Variants in KCNMA1 observed in about 807,000 individuals in gnomAD.
The protein encoded by KCNMA1 is potassium calcium-activated channel subfamily M alpha 1, also known as Calcium-activated potassium channel subunit alpha-1.
In KCNMA1, 29 loss-of-function variants were observed where a neutral mutation model predicts 140.0. That is an observed-to-expected ratio of 0.21 (90% confidence interval 0.15 to 0.28). KCNMA1 has a LOEUF of 0.28. Ranked by LOEUF, KCNMA1 falls within the 10% of genes least tolerant of loss-of-function variation. KCNMA1 has a pLI of 1.00. For missense variants in KCNMA1, 880 were observed against 1,602.2 expected, an observed-to-expected ratio of 0.55 and a Z score of 7.70; for synonymous variants, 612 against 611.9, an observed-to-expected ratio of 1.00 and a Z score of 0.00.
At chr10:77,484,241 G>C (rs1016266265) in intron 1 of KCNMA1, among the ~76,000 whole-genome samples, 1 of 152,210 alleles carries the variant, frequency 6.6e-6, no homozygotes, top group Non-Finnish European at 1.5e-5. Context: ...AGCACTGCAG[G>C]CACCTCCATT....
intron 19 of KCNMA1, among the ~76,000 whole-genome samples, chr10:76,994,788 G>T (rs942582855): frequency 1.3e-5 from 2 of 152,210 alleles, no homozygotes; most frequent in Non-Finnish European, 2.9e-5. Flanking sequence ...GTTTTGAAGA[G>T]CATGCTGGCA....
At chr10:77,230,525 T>G (rs1437196374) in intron 3 of KCNMA1, among the ~76,000 whole-genome samples, 1 of 152,218 alleles carries the variant, frequency 6.6e-6, no homozygotes, top group Non-Finnish European at 1.5e-5. Flanking sequence ...TGCACTGCAT[T>G]CTTTGTGGAT....
chr10:77,581,446 C>G (rs182948406), intron 1 of KCNMA1, among the ~76,000 whole-genome samples: 13 of 152,150 alleles, frequency 8.5e-5, no homozygotes, highest in Non-Finnish European at 1.2e-4. Flanking sequence ...GCTGGGACTA[C>G]AGGTGCCCGC....
chr10:77,223,588 G>A (rs926923669), intron 3 of KCNMA1, among the ~76,000 whole-genome samples: 4 of 152,160 alleles, frequency 2.6e-5, no homozygotes, highest in East Asian at 3.9e-4. Context: ...CTCAGAAGCC[G>A]GGAGGGTCAG....
chr10:76,881,967 G>C (rs2034849284), downstream of KCNMA1, among the ~76,000 whole-genome samples: 1 of 152,116 alleles, frequency 6.6e-6, no homozygotes, highest in Admixed American at 6.6e-5. Context: ...TCCCATCTGA[G>C]AGCCATCTGT....
intron 3 of KCNMA1, among the ~76,000 whole-genome samples, chr10:77,233,077 G>A (rs952793558): frequency 6.6e-5 from 10 of 152,060 alleles, no homozygotes; most frequent in Admixed American, 4.6e-4. Context: ...AATTTGTAGA[G>A]ACAGAGTCTC....
At chr10:76,996,680 C>T (rs3781158) in intron 19 of KCNMA1, among the ~76,000 whole-genome samples, 48,895 of 151,852 alleles carry the variant, frequency 0.32, 8,231 homozygotes, top group East Asian at 0.56. Flanking sequence ...GAGACTCAGA[C>T]GAACAGGCTT....
intron 23 of KCNMA1, among the ~76,000 whole-genome samples, chr10:76,935,044 CAT>C (rs1238038341): frequency 3.3e-5 from 5 of 152,226 alleles, no homozygotes; most frequent in African/African-American, 1.2e-4. Flanking sequence ...CTCCAACAGT[CAT>C]ACTGTTCACA....
chr10:77,619,185 A>T (rs2090555631), intron 1 of KCNMA1, among the ~76,000 whole-genome samples: 1 of 152,198 alleles, frequency 6.6e-6, no homozygotes, highest in African/African-American at 2.4e-5. Flanking sequence ...CTTTTAAGTA[A>T]GGAATTCATA....
chr10:77,120,837 CT>C, intron 6 of KCNMA1, 135 bp downstream of exon 6: 1 of 671,166 alleles, frequency 1.5e-6, no homozygotes, highest in East Asian at 2.7e-5. Context: ...TTTTCTCTCC[CT>C]CTCTGTGTTA....
At chr10:77,536,904 A>G (rs2059022318) in intron 1 of KCNMA1, among the ~76,000 whole-genome samples, 1 of 152,210 alleles carries the variant, frequency 6.6e-6, no homozygotes, top group Non-Finnish European at 1.5e-5. Context: ...AATGACTGGG[A>G]AAAACCAAAC....
At position 77,604,696 on chromosome 10, in the gene KCNMA1, A is replaced by C. The variant is rs370302948; in HGVS notation, c.378+32569T>G. On this transcript the variant is annotated intron_variant, in intron 1 of 27. Coordinates refer to ENST00000286628, the MANE Select transcript of KCNMA1 (RefSeq NM_001161352.2). ...AGCAAAACCCCATCCCCCGCCCCCC[A>C]AAAAAAAGAGTTGCCTAATTCTTCA... Among the ~76,000 whole-genome samples the C allele has an allele frequency of 2.2e-3, 312 of 142,682 alleles. 1 individual carries two copies. The highest frequency in any genetic ancestry group is 2.5e-3 in the Non-Finnish European group (160 of 65,068). The allele number at this position is 142,682 out of a possible 152,430, so 93.6% of individuals were successfully genotyped here.
chr10:76,975,746 G>A (rs2077303183), intron 19 of KCNMA1, among the ~76,000 whole-genome samples: 1 of 152,182 alleles, frequency 6.6e-6, no homozygotes, highest in Non-Finnish European at 1.5e-5. Context: ...TCACTAAGAA[G>A]TTTGATAAGC....
chr10:77,135,955 AAAGAAATGCAAATTAAAC>A (rs375207772), intron 5 of KCNMA1, among the ~76,000 whole-genome samples: 2,274 of 152,332 alleles, frequency 0.015, 56 homozygotes, highest in African/African-American at 0.051. Flanking sequence ...TAAAAAATTA[AAAGAAATGCAAATTAAAC>A]AAAAATAAGT....
intron 1 of KCNMA1, among the ~76,000 whole-genome samples, chr10:77,442,737 C>T (rs2097434737): frequency 6.6e-6 from 1 of 152,138 alleles, no homozygotes; most frequent in Non-Finnish European, 1.5e-5. Context: ...ATGCATGGGA[C>T]TCAGCACACA....
chr10:76,927,960 A>G (rs561206114), intron 23 of KCNMA1, among the ~76,000 whole-genome samples: 1 of 152,282 alleles, frequency 6.6e-6, no homozygotes, highest in Admixed American at 6.5e-5. Flanking sequence ...TAGGAAAAGG[A>G]AAATGCAACT....
intron 22 of KCNMA1, among the ~76,000 whole-genome samples, chr10:76,946,119 A>G (rs1211142515): frequency 2.0e-5 from 3 of 152,240 alleles, no homozygotes; most frequent in Non-Finnish European, 2.9e-5. Flanking sequence ...AAGTAACAAC[A>G]GAGTCCGGGA....
chr10:77,482,340 G>T (rs2098407908), intron 1 of KCNMA1, among the ~76,000 whole-genome samples: 3 of 152,202 alleles, frequency 2.0e-5, no homozygotes, highest in Admixed American at 2.0e-4. Context: ...CAGACACTTT[G>T]TAAGTTTGCA....
At chr10:76,873,146 A>G (rs558983472), downstream of KCNMA1, 3 of 152,202 alleles carry the variant, frequency 2.0e-5, no homozygotes, top group African/African-American at 4.8e-5. Context: ...AAGCAAGCTT[A>G]CCATAAAAAT....
Sources: allele counts gnomAD v4.1 joint callset (sites outside exome capture counted in the v4.1 genomes callset), GRCh38; gene constraint gnomAD v4.1.1; transcripts MANE v1.5; gene names NCBI Gene and HGNC (gene_info 2026-07-23, HGNC 2026-07-21).